The following SETD2 variants were observed in gnomAD, a reference collection of about 807,000 sequenced individuals.
SETD2 encodes SET domain containing 2, histone lysine methyltransferase, also known as histone-lysine N-methyltransferase SETD2.
A neutral mutation model predicts 242.1 loss-of-function variants in SETD2; 31 were observed. The ratio of observed to expected loss-of-function variants is 0.13; its 90% CI spans 0.10 to 0.17. The LOEUF is 0.17. Ranked by LOEUF, SETD2 falls within the 10% of genes least tolerant of loss-of-function variation. The pLI is 1.00. For synonymous variants in SETD2, 1,006 were observed against 1,066.5 expected, an observed-to-expected ratio of 0.94 and a Z score of 1.11; for missense variants, 2,481 against 3,046.3, an observed-to-expected ratio of 0.81 and a Z score of 4.37.
chr3:47,102,977 G>A (rs1395127528), intron 7 of SETD2, among the ~76,000 whole-genome samples: 1 of 152,096 alleles, frequency 6.6e-6, no homozygotes, highest in Non-Finnish European at 1.5e-5. Flanking sequence ...AGGAAGGAGA[G>A]GTGACAACTA....
At position 47,075,083 on chromosome 3, in the gene SETD2, G is replaced by A. The variant is rs557696540; in HGVS notation, c.6061-7965C>T. On this transcript the variant is annotated intron_variant, in intron 12 of 20. Coordinates refer to ENST00000409792, the MANE Select transcript of SETD2 (RefSeq NM_014159.7). ...CAGGAGGTGGAGCTTGCAGTGAGCC[G>A]AGATTGCGCCACTGCACTCCAGCCT... 1.5e-4 allele frequency among the ~76,000 whole-genome samples: 22 copies of A among 149,180 alleles called. No homozygotes were observed. The East Asian group carries it at 4.2e-3, about 29-fold the overall frequency.
Position 47,083,761 on chromosome 3 carries a change from C to G in SETD2, c.6019G>C (p.Asp2007His), listed in dbSNP as rs2041417331. The G allele has an allele frequency of 6.2e-7, 1 of 1,613,310 alleles. No individual in the cohort carries two copies. Among genetic ancestry groups the G allele is most frequent in the Non-Finnish European group, 8.5e-7 (1 of 1,179,778 alleles). Residue 2007 changes from aspartate (D) to histidine (H), a missense_variant, in exon 12 of 21, where the codon GAT (aspartate) becomes CAT (histidine). Asp to His is a moderately conservative substitution (Grantham distance 81, BLOSUM62 -1). This residue lies in a region of SETD2 where 203 missense variants were observed against 222.4 expected (regional missense o/e 0.91). Transcript: ENST00000409792. ...EQPDKTVDIS[D>H]LATKLLDSWK... is the part of the protein sequence containing the mutation. ...CTGTCCAGGAGTTTGGTGGCCAAAT[C>G]ACTTATATCCACTGTTTTATCTGGC...
At chr3:47,156,128 C>A in intron 1 of SETD2, among the ~76,000 whole-genome samples, 1 of 152,320 alleles carries the variant, frequency 6.6e-6, no homozygotes, top group Admixed American at 6.5e-5. Context: ...GACAGAGAAG[C>A]TGGTCAACTT....
At chr3:47,065,875 T>C (rs1025689715) in intron 13 of SETD2, among the ~76,000 whole-genome samples, 1 of 152,168 alleles carries the variant, frequency 6.6e-6, no homozygotes, top group Admixed American at 6.5e-5. Flanking sequence ...CAGATTCCCA[T>C]GGCCTCCCTG....
At chr3:47,136,510 A>G (rs1002928730) in intron 1 of SETD2, among the ~76,000 whole-genome samples, 1 of 152,230 alleles carries the variant, frequency 6.6e-6, no homozygotes, top group South Asian at 2.1e-4. Context: ...GCTGGAGGCC[A>G]TTATCCTTAG....
At chr3:47,043,613 T>C (rs1173323444) in intron 16 of SETD2, among the ~76,000 whole-genome samples, 1 of 152,210 alleles carries the variant, frequency 6.6e-6, no homozygotes, top group African/African-American at 2.4e-5. Context: ...GAATACATTT[T>C]TTACCTTTAC....
chr3:47,050,092 A>G (rs941398105), intron 15 of SETD2, among the ~76,000 whole-genome samples: 2 of 150,708 alleles, frequency 1.3e-5, no homozygotes, highest in African/African-American at 4.9e-5. Flanking sequence ...TAAGGTATCT[A>G]TATTTTAGAA....
chr3:47,052,749 G>T (rs1019522385), intron 15 of SETD2, among the ~76,000 whole-genome samples: 28 of 151,980 alleles, frequency 1.8e-4, no homozygotes, highest in African/African-American at 5.6e-4. Context: ...CTGGGAGGCA[G>T]AGGTTGCAAT....
At chr3:47,050,716 C>CCT (rs900693620) in intron 15 of SETD2, among the ~76,000 whole-genome samples, 113 of 107,164 alleles carry the variant, frequency 1.1e-3, no homozygotes, top group Non-Finnish European at 1.8e-3. Flanking sequence ...GTATACATTT[C>CCT]CTCTCTCTTT....
chr3:47,155,725 G>C (rs1050439931), intron 1 of SETD2, among the ~76,000 whole-genome samples: 2 of 152,206 alleles, frequency 1.3e-5, no homozygotes, highest in African/African-American at 2.4e-5. Context: ...AGGATCGCTT[G>C]AGCCTCAGAG....
intron 9 of SETD2, 82 bp downstream of exon 9, chr3:47,097,873 G>A: frequency 1.4e-6 from 2 of 1,394,892 alleles, no homozygotes; most frequent in Admixed American, 3.7e-5. Context: ...GCAGTAGTAT[G>A]ACTTTATAAC....
chr3:47,045,314 T>C (rs934873589), intron 16 of SETD2, among the ~76,000 whole-genome samples: 1 of 151,822 alleles, frequency 6.6e-6, no homozygotes, highest in African/African-American at 2.4e-5. Context: ...GGTCAGGAGA[T>C]TGAGACCATC....
chr3:47,135,925 C>A (rs930317057), intron 1 of SETD2, among the ~76,000 whole-genome samples: 1 of 152,120 alleles, frequency 6.6e-6, no homozygotes, highest in Non-Finnish European at 1.5e-5. Context: ...CATCTTAAAG[C>A]TAGTGATCAA....
chr3:47,083,717 T>C lies in SETD2; in HGVS notation c.6060+3A>G, dbSNP rs200266274. ...TTGAAATGAACAAAAGATGCTTCCT[T>C]ACCTTTAGGTCTTTCCAACTGTCCA... On this transcript the variant is annotated splice_donor_region_variant and intron_variant, in intron 12 of 20. Transcript: ENST00000409792. 2.5e-6 allele frequency: 4 copies of C among 1,596,714 alleles called. No homozygotes were observed. In the Admixed American group the frequency reaches 7.0e-5, roughly 28 times the overall value.
chr3:47,123,869 T>C lies in SETD2; in HGVS notation c.767A>G (p.Gln256Arg), dbSNP rs1229892824. 1.3e-6 allele frequency: 2 copies of C among 1,551,500 alleles called. No homozygotes were observed. The highest frequency in any genetic ancestry group is 1.7e-6 in the Non-Finnish European group (2 of 1,146,568). The change falls in exon 3 of 21, where the codon CAG (glutamine) becomes CGG (arginine). Residue 256 changes from glutamine (Q) to arginine (R), a missense_variant. By Grantham distance (43) the Gln-to-Arg change is conservative. Transcript: ENST00000409792. The part of the protein sequence containing the change: ...VPESLEADTK[Q>R]DTISNSLEEH... ...TTCTAAACTATTAGATATAGTGTCC[T>C]GCTTAGTATCTGCTTCTAAAGATTC...
At chr3:47,143,865 C>T (rs2043791873) in intron 1 of SETD2, among the ~76,000 whole-genome samples, 1 of 152,122 alleles carries the variant, frequency 6.6e-6, no homozygotes, top group Admixed American at 6.6e-5. Flanking sequence ...CACCCACCAC[C>T]ACACCCGGCT....
intron 17 of SETD2, among the ~76,000 whole-genome samples, chr3:47,041,691 G>A (rs2039288443): frequency 6.6e-6 from 1 of 151,598 alleles, no homozygotes; most frequent in Admixed American, 6.6e-5. Flanking sequence ...CCCACATAAA[G>A]CTATCTGTCT....
chr3:47,055,369 T>C (rs1036978507), intron 15 of SETD2, among the ~76,000 whole-genome samples: 4 of 152,118 alleles, frequency 2.6e-5, no homozygotes, highest in Admixed American at 2.0e-4. Context: ...GAGACAGAAA[T>C]GTGGTGATGA....
Position 47,084,386 on chromosome 3 carries a change from AT to A in SETD2, c.5398-5del. On this transcript the variant is annotated splice_polypyrimidine_tract_variant and splice_region_variant and intron_variant, in intron 11 of 20. Coordinates refer to ENST00000409792, the MANE Select transcript of SETD2 (RefSeq NM_014159.7). ...AGTGTTCCAAAGTCTTTATAATCTG[AT>A]TAAACATAAAAAAAAATTACATCAC... The A allele has an allele frequency of 6.3e-7, 1 of 1,581,154 alleles. No homozygotes were observed. Among genetic ancestry groups the A allele is most frequent in the South Asian group, 1.1e-5 (1 of 87,970 alleles).
Sources: gnomAD v4.1 joint callset for allele counts (sites outside exome capture counted in the v4.1 genomes callset) on GRCh38, gnomAD v4.1.1 for gene constraint, gnomAD v4.1.1 regional missense constraint, MANE v1.5 for transcripts, NCBI Gene and HGNC (gene_info 2026-07-23, HGNC 2026-07-21) for gene names.